Variants in SH3BGR observed in about 807,000 individuals in gnomAD.
The protein encoded by SH3BGR is SH3 domain binding glutamate rich protein, also known as SH3 domain-binding glutamic acid-rich protein.
In SH3BGR, 29 loss-of-function variants were observed where a neutral mutation model predicts 24.5. The observed-to-expected ratio is 1.18, with a 90% CI of 0.88 to 1.61. SH3BGR has a LOEUF of 1.61. Among genes scored for constraint, SH3BGR ranks in the 40% most tolerant of loss-of-function variants. SH3BGR has a pLI of 0.00. For synonymous variants in SH3BGR, 55 were observed against 65.7 expected, an observed-to-expected ratio of 0.84 and a Z score of 0.79; for missense variants, 162 against 205.8, an observed-to-expected ratio of 0.79 and a Z score of 1.30.
chr21:39,490,783 C>T (rs377598213), intron 3 of SH3BGR, among the ~76,000 whole-genome samples: 47 of 148,722 alleles, frequency 3.2e-4, no homozygotes, highest in African/African-American at 1.1e-3. Context: ...GTCTGGAGTG[C>T]GGTGGCATGA....
Position 39,511,884 on chromosome 21 carries a change from T to A in SH3BGR, c.*34+75T>A. On this transcript the variant is annotated intron_variant, in intron 6 of 6. Transcript: ENST00000333634. This position sits in a 1 kb window ranked among gnomAD's most constrained non-coding sequence, Gnocchi z 4.2. ...GCTATCTGCGGCACATTTTGCTTAG[T>A]AACAGGAGAAAGGGAATTCCAATTC... 7.3e-7 allele frequency: 1 copy of A among 1,373,068 alleles called. No homozygotes were observed. The highest frequency in any genetic ancestry group is 1.6e-5 in the South Asian group (1 of 64,106). The allele number at this position is 1,373,068 out of a possible 1,614,324, so 85.1% of individuals were successfully genotyped here.
At chr21:39,477,898 A>G (rs1407735157) in intron 3 of SH3BGR, among the ~76,000 whole-genome samples, 1 of 152,190 alleles carries the variant, frequency 6.6e-6, no homozygotes, top group Non-Finnish European at 1.5e-5. Context: ...GTGTATATTT[A>G]CCATGTACAA....
chr21:39,486,166 T>A (rs2078210160), intron 3 of SH3BGR, among the ~76,000 whole-genome samples: 1 of 152,182 alleles, frequency 6.6e-6, no homozygotes, highest in South Asian at 2.1e-4. Context: ...AACAAAAATA[T>A]CTGTAGATGA....
rs182735463 is a variant in SH3BGR at position 39,453,409 on chromosome 21, A to T, written c.45+1268A>T. The stretch of plus-strand genomic sequence containing the variant: ...AATTTTTTGGCTATTGGATAAAAAA[A>T]TTTTTTTGGGGGGGAAAATGGTTTT... On this transcript the variant is annotated intron_variant, in intron 1 of 6. Transcript: ENST00000333634. 8.6e-3 allele frequency among the ~76,000 whole-genome samples: 1,262 copies of T among 146,418 alleles called. 17 individuals carry two copies. Among genetic ancestry groups the T allele is most frequent in the African/African-American group, 0.031 (1,212 of 39,602 alleles).
intron 3 of SH3BGR, 70 bp downstream of exon 3, chr21:39,475,285 C>A: frequency 1.1e-6 from 1 of 925,488 alleles, no homozygotes; most frequent in South Asian, 1.3e-5. Context: ...TCACCGCATC[C>A]AAGACTGTTT....
intron 4 of SH3BGR, among the ~76,000 whole-genome samples, chr21:39,504,087 TTG>T (rs1274597063): frequency 6.6e-6 from 1 of 152,198 alleles, no homozygotes; most frequent in African/African-American, 2.4e-5. Context: ...CAGGTTTGGT[TTG>T]TGTTTTTTGA....
intron 4 of SH3BGR, among the ~76,000 whole-genome samples, chr21:39,505,352 T>G (rs1310960907): frequency 1.3e-5 from 2 of 152,224 alleles, no homozygotes; most frequent in Non-Finnish European, 2.9e-5. Flanking sequence ...CCAAGCTTAC[T>G]TATCCTTTCG....
intron 3 of SH3BGR, among the ~76,000 whole-genome samples, chr21:39,493,551 T>G (rs1020232287): frequency 1.3e-5 from 2 of 152,220 alleles, no homozygotes; most frequent in African/African-American, 4.8e-5. Context: ...GGTAACATGA[T>G]GCCTCCAGAT....
chr21:39,477,307 T>C (rs1052147651), intron 3 of SH3BGR, among the ~76,000 whole-genome samples: 1 of 152,184 alleles, frequency 6.6e-6, no homozygotes, highest in Non-Finnish European at 1.5e-5. Context: ...TTTGTTCATT[T>C]ATTTATTTTT....
chr21:39,455,234 CT>C (rs2077635534), intron 1 of SH3BGR, among the ~76,000 whole-genome samples: 1 of 152,200 alleles, frequency 6.6e-6, no homozygotes, highest in African/African-American at 2.4e-5. Context: ...ACAATACTTT[CT>C]TATAAGTAAA....
chr21:39,490,547 GT>G (rs1221060796), intron 3 of SH3BGR, among the ~76,000 whole-genome samples: 9 of 152,086 alleles, frequency 5.9e-5, no homozygotes, highest in African/African-American at 2.2e-4. Context: ...TACAGCTTCT[GT>G]AATTATCAGC....
At chr21:39,464,456 C>G (rs957803138) in intron 2 of SH3BGR, among the ~76,000 whole-genome samples, 4 of 152,196 alleles carry the variant, frequency 2.6e-5, no homozygotes, top group African/African-American at 4.8e-5. Flanking sequence ...CTCCTGACCT[C>G]AGGTGATCCA....
At chr21:39,475,239 G>A (rs1049263638) in intron 3 of SH3BGR, 24 bp downstream of exon 3, 3 of 1,451,782 alleles carry the variant, frequency 2.1e-6, no homozygotes, top group Non-Finnish European at 2.9e-6. Flanking sequence ...AACTCCATTG[G>A]GGTTCAAAAC....
At chr21:39,513,471 A>G (rs1008901751) in intron 6 of SH3BGR, among the ~76,000 whole-genome samples, 3 of 152,206 alleles carry the variant, frequency 2.0e-5, no homozygotes, top group Non-Finnish European at 4.4e-5. Flanking sequence ...CTATTTTTAG[A>G]GCATCTTGGA....
chr21:39,453,240 A>G (rs1231876441), intron 1 of SH3BGR, among the ~76,000 whole-genome samples: 1 of 152,246 alleles, frequency 6.6e-6, no homozygotes, highest in Non-Finnish European at 1.5e-5. Context: ...CCTTTTGCTA[A>G]GTACAACTGA....
At position 39,485,437 on chromosome 21, in the gene SH3BGR, G is replaced by A. The variant is rs78355933; in HGVS notation, c.312+10222G>A. Among the ~76,000 whole-genome samples the A allele has an allele frequency of 7.2e-4, 110 of 152,194 alleles. No individual in the cohort carries two copies. The East Asian group carries it at 0.02, about 27-fold the overall frequency. ...AATCTACAACATTATTATGATGTAT[G>A]GAAAGCTTAAGAGAAAGCAAAAAGG... is the stretch of plus-strand genomic sequence containing the variant. On this transcript the variant is annotated intron_variant, in intron 3 of 6. Transcript: ENST00000333634.
chr21:39,507,290 G>A (rs924337134), intron 4 of SH3BGR, among the ~76,000 whole-genome samples: 3 of 152,188 alleles, frequency 2.0e-5, no homozygotes, highest in Non-Finnish European at 4.4e-5. Flanking sequence ...GCCAGGAGAT[G>A]TGGGAGTGTG....
intron 6 of SH3BGR, among the ~76,000 whole-genome samples, chr21:39,514,587 C>G (rs1326432596): frequency 6.6e-5 from 10 of 152,108 alleles, no homozygotes; most frequent in Non-Finnish European, 5.9e-5. Flanking sequence ...GTCTCGAACT[C>G]TTAGGCTCAA....
In SH3BGR at chr21:39,475,095, G is replaced by A. The variant is rs1286990783; in HGVS notation, c.232-40G>A. The stretch of plus-strand genomic sequence containing the variant: ...TTTCCGTAAATAAACTGGCTCACAA[G>A]TGTGCAGTAGTTTTAAACTTTCTTT... On this transcript the variant is annotated intron_variant, in intron 2 of 6. Coordinates refer to ENST00000333634, the MANE Select transcript of SH3BGR (RefSeq NM_007341.3). The A allele has an allele frequency of 4.0e-6, 5 of 1,249,924 alleles. No homozygotes were observed. In the East Asian group the frequency reaches 1.2e-4, roughly 29 times the overall value. The allele number at this position is 1,249,924 out of a possible 1,614,324, so 77.4% of individuals were successfully genotyped here.
Sources: allele counts gnomAD v4.1 joint callset (sites outside exome capture counted in the v4.1 genomes callset), GRCh38; gene constraint gnomAD v4.1.1; non-coding constraint Gnocchi (gnomAD v3.1); transcripts MANE v1.5; gene names NCBI Gene and HGNC (gene_info 2026-07-23, HGNC 2026-07-21).